CNTN5: variants seen among roughly 807,000 people sequenced by gnomAD.
CNTN5 encodes contactin-5.
CNTN5 carries 77 observed loss-of-function variants against 129.1 expected under a neutral mutation model. The ratio of observed to expected loss-of-function variants is 0.60; its 90% CI spans 0.50 to 0.72. The LOEUF (loss-of-function observed/expected upper bound fraction) is 0.72. CNTN5 is among the 30% of genes least tolerant of loss of function. The pLI, the probability that CNTN5 is intolerant of heterozygous loss-of-function variation, is 0.00. For synonymous variants in CNTN5, 509 were observed against 465.6 expected (o/e 1.09, Z -1.20); for missense variants, 1,478 against 1,328.8 (o/e 1.11, Z -1.75).
At chr11:99,720,526 A>G (rs1332123322) in intron 3 of CNTN5, among the ~76,000 whole-genome samples, 2 of 152,166 alleles carry the variant, frequency 1.3e-5, no homozygotes, top group East Asian at 3.9e-4. Context: ...GCCTTCTATG[A>G]CAAACCCCTG....
chr11:99,860,939 A>AATATGTCC (rs1555140217), intron 6 of CNTN5, among the ~76,000 whole-genome samples: 1 of 147,444 alleles, frequency 6.8e-6, no homozygotes. Flanking sequence ...ATTAACATGG[A>AATATGTCC]ATATGTCTTC....
At chr11:99,271,474 A>G (rs1431629922) in intron 1 of CNTN5, among the ~76,000 whole-genome samples, 1 of 151,896 alleles carries the variant, frequency 6.6e-6, no homozygotes. Flanking sequence ...TTAGACTCAA[A>G]TCATAATAAC....
chr11:99,780,202 A>T lies in CNTN5; in HGVS notation c.56-39342A>T, dbSNP rs2585886. On this transcript the variant is annotated intron_variant, in intron 3 of 24. Coordinates refer to ENST00000524871, the MANE Select transcript of CNTN5 (RefSeq NM_014361.4). ...TTTTTCCCCCCCTTCAGATTAATTAAGCCTTTTGCATGCAGTCCTCTGCAG... is the reference window on the plus strand; with the variant it reads ...TTTTTCCCCCCCTTCAGATTAATTATGCCTTTTGCATGCAGTCCTCTGCAG... Among the ~76,000 whole-genome samples the T allele has an allele frequency of 1.2e-3, 187 of 151,836 alleles. 1 individual carries two copies. The highest frequency in any genetic ancestry group is 4.1e-3 in the African/African-American group (168 of 41,428).
At chr11:99,245,059 G>A (rs548939266) in intron 1 of CNTN5, among the ~76,000 whole-genome samples, 1 of 152,264 alleles carries the variant, frequency 6.6e-6, no homozygotes, top group South Asian at 2.1e-4. Flanking sequence ...ATGTTTTTGT[G>A]ATAATTTCAG....
chr11:99,265,101 A>G (rs1323844750), intron 1 of CNTN5, among the ~76,000 whole-genome samples: 1 of 152,004 alleles, frequency 6.6e-6, no homozygotes. Context: ...TATTAGAATG[A>G]TACACTAACT....
rs113893731 is a variant in CNTN5, at chr11:99,230,853, G to A, written c.-209-94493G>A. Among the ~76,000 whole-genome samples the A allele has an allele frequency of 2.4e-4, 36 of 152,024 alleles. 2 individuals are homozygous for A. Among genetic ancestry groups the A allele is most frequent in the African/African-American group, 7.5e-4 (31 of 41,456 alleles). Reference sequence around the variant, plus strand: ...CCCCAGTGTTTGTTCTCCTCCCTACGTCCACGTGTTCTCATTGTTTAGTTC... The same window carrying A: ...CCCCAGTGTTTGTTCTCCTCCCTACATCCACGTGTTCTCATTGTTTAGTTC... On this transcript the variant is annotated intron_variant, in intron 1 of 24. Coordinates refer to ENST00000524871, the MANE Select transcript of CNTN5 (RefSeq NM_014361.4).
intron 21 of CNTN5, among the ~76,000 whole-genome samples, chr11:100,312,746 A>G (rs1951494253): frequency 6.6e-6 from 1 of 152,056 alleles, no homozygotes; most frequent in Non-Finnish European, 1.5e-5. Flanking sequence ...TTCACATGCA[A>G]AATCTAAAAC....
chr11:99,587,202 C>G (rs886225374), intron 3 of CNTN5, among the ~76,000 whole-genome samples: 3 of 152,162 alleles, frequency 2.0e-5, no homozygotes, highest in African/African-American at 7.2e-5. Flanking sequence ...TCTCTGACAA[C>G]AGAGAGAGAA....
At chr11:99,080,821 T>C (rs1468202987) in intron 1 of CNTN5, among the ~76,000 whole-genome samples, 1 of 152,168 alleles carries the variant, frequency 6.6e-6, no homozygotes, top group East Asian at 1.9e-4. Flanking sequence ...TTGAGGACGA[T>C]TAAATGAACT....
At chr11:100,164,304 T>A (rs1254466940) in intron 13 of CNTN5, among the ~76,000 whole-genome samples, 1 of 151,888 alleles carries the variant, frequency 6.6e-6, no homozygotes, top group Non-Finnish European at 1.5e-5. Context: ...AATGTGGTTC[T>A]GTATTTCTTA....
intron 2 of CNTN5, among the ~76,000 whole-genome samples, chr11:99,398,389 A>G (rs1447812380): frequency 6.6e-6 from 1 of 151,926 alleles, no homozygotes; most frequent in East Asian, 1.9e-4. Context: ...ATTTGCATAC[A>G]TTAAGATTTA....
At chr11:100,212,223 C>G (rs774255403) in intron 15 of CNTN5, among the ~76,000 whole-genome samples, 5 of 152,044 alleles carry the variant, frequency 3.3e-5, no homozygotes, top group Non-Finnish European at 5.9e-5. Flanking sequence ...GAAAATTGTT[C>G]TATGTCACCT....
At chr11:99,464,417 T>A (rs1226953442) in intron 2 of CNTN5, among the ~76,000 whole-genome samples, 1 of 152,162 alleles carries the variant, frequency 6.6e-6, no homozygotes, top group African/African-American at 2.4e-5. Context: ...TCATTGATGA[T>A]CTAGTTTGAA....
chr11:99,252,428 A>G (rs955457892), intron 1 of CNTN5, among the ~76,000 whole-genome samples: 1 of 151,882 alleles, frequency 6.6e-6, no homozygotes, highest in African/African-American at 2.4e-5. Flanking sequence ...TTGAATAATC[A>G]TATTTCATCA....
At chr11:99,439,808 T>C (rs1943754591) in intron 2 of CNTN5, among the ~76,000 whole-genome samples, 1 of 151,954 alleles carries the variant, frequency 6.6e-6, no homozygotes, top group South Asian at 2.1e-4. Context: ...GATACATGCA[T>C]CTTGCCGCTG....
chr11:99,578,682 C>T (rs868708003), intron 3 of CNTN5, among the ~76,000 whole-genome samples: 5 of 150,412 alleles, frequency 3.3e-5, no homozygotes, highest in Middle Eastern at 3.4e-3. Context: ...GGTTGTTTGT[C>T]TTTTTCTTGT....
At position 99,991,725 on chromosome 11, in the gene CNTN5, G is replaced by T. The variant is rs182090458; in HGVS notation, c.878-10309G>T. Among the ~76,000 whole-genome samples, 544 of 146,254 alleles carry T rather than the reference G, an allele frequency of 3.7e-3. 3 individuals carry two copies. The highest frequency in any genetic ancestry group is 0.014 in the African/African-American group (522 of 37,982). Reference sequence around the variant, plus strand: ...TTCCCTCCATGTAGTGGAAGCTCCAGTGACTGTCAGACATGCAGGTTTGTT... The same window carrying T: ...TTCCCTCCATGTAGTGGAAGCTCCATTGACTGTCAGACATGCAGGTTTGTT... On this transcript the variant is annotated intron_variant, in intron 8 of 24. Transcript: ENST00000524871.
intron 2 of CNTN5, among the ~76,000 whole-genome samples, chr11:99,480,942 A>G (rs959400236): frequency 2.6e-5 from 4 of 152,170 alleles, no homozygotes; most frequent in African/African-American, 9.6e-5. Flanking sequence ...GATATTGTGT[A>G]TCTAAGATAA....
At chr11:99,109,453 G>C (rs1857681613) in intron 1 of CNTN5, among the ~76,000 whole-genome samples, 1 of 151,936 alleles carries the variant, frequency 6.6e-6, no homozygotes, top group African/African-American at 2.4e-5. Context: ...AAGGAAACTA[G>C]GAATGAAGAT....
Sources: gnomAD v4.1 joint callset for allele counts (sites outside exome capture counted in the v4.1 genomes callset) on GRCh38, gnomAD v4.1.1 for gene constraint, MANE v1.5 for transcripts, NCBI Gene and HGNC (gene_info 2026-07-23, HGNC 2026-07-21) for gene names.